Variants in KIF6 observed in about 807,000 individuals in gnomAD.
KIF6 encodes kinesin family member 6.
KIF6 carries 106 observed loss-of-function variants against 112.7 expected under a neutral mutation model. The observed-to-expected ratio is 0.94, with a 90% CI of 0.80 to 1.11. The LOEUF (loss-of-function observed/expected upper bound fraction) is 1.11. KIF6 is among the 50% of genes least tolerant of loss of function. The pLI, the probability that KIF6 is intolerant of heterozygous loss-of-function variation, is 0.00. For missense variants in KIF6, 929 were observed against 964.0 expected, an observed-to-expected ratio of 0.96 and a Z score of 0.48; for synonymous variants, 339 against 339.9, an observed-to-expected ratio of 1.00 and a Z score of 0.03.
intron 13 of KIF6, among the ~76,000 whole-genome samples, chr6:39,447,213 A>G (rs11755538): frequency 0.022 from 3,414 of 152,240 alleles, 70 homozygotes; most frequent in Non-Finnish European, 0.029. Flanking sequence ...ACCTCATCTC[A>G]TTGAGAAAAT....
At chr6:39,577,970 G>T in intron 10 of KIF6, 86 bp downstream of exon 10, 1 of 890,592 alleles carries the variant, frequency 1.1e-6, no homozygotes, top group Non-Finnish European at 1.8e-6. Context: ...CATGCTTTGA[G>T]GTGAATTCAT....
rs182464553 is a variant in KIF6, at chr6:39,706,589, T to C, written c.251+8103A>G. On this transcript the variant is annotated intron_variant, in intron 3 of 22. Transcript: ENST00000287152. ...CTTAAAAGTTTAGATTTAAGTATAA[T>C]TGTAAAGTCACAAAAGCCAGAAATG... Among the ~76,000 whole-genome samples, 62 of 152,346 alleles carry C rather than the reference T, an allele frequency of 4.1e-4. 1 individual carries two copies. The East Asian group carries it at 0.011, about 27-fold the overall frequency.
intron 12 of KIF6, among the ~76,000 whole-genome samples, chr6:39,541,670 A>T (rs9394607): frequency 0.042 from 6,435 of 152,258 alleles, 277 homozygotes; most frequent in East Asian, 0.25. Context: ...ATGCATGCAC[A>T]TGCACACACA....
At chr6:39,603,388 C>A (rs1165617751) in intron 6 of KIF6, among the ~76,000 whole-genome samples, 1 of 152,024 alleles carries the variant, frequency 6.6e-6, no homozygotes, top group Non-Finnish European at 1.5e-5. Flanking sequence ...TATTCCTCTC[C>A]CTGGCACTGA....
chr6:39,610,152 C>T (rs554189557), intron 6 of KIF6, among the ~76,000 whole-genome samples: 6 of 152,208 alleles, frequency 3.9e-5, no homozygotes, highest in South Asian at 2.1e-4. Context: ...GTTATACTTG[C>T]GACTGGTGGA....
intron 3 of KIF6, among the ~76,000 whole-genome samples, chr6:39,641,436 T>C (rs1478344688): frequency 2.0e-5 from 3 of 151,874 alleles, no homozygotes; most frequent in East Asian, 3.9e-4. Flanking sequence ...TAGGTGGGAA[T>C]TGAACATGAG....
chr6:39,559,309 C>T (rs1299090277), intron 10 of KIF6, among the ~76,000 whole-genome samples: 1 of 152,054 alleles, frequency 6.6e-6, no homozygotes, highest in Non-Finnish European at 1.5e-5. Flanking sequence ...TTTAAAACTG[C>T]CCAATTACTT....
chr6:39,515,316 C>A (rs771295652), intron 13 of KIF6, among the ~76,000 whole-genome samples: 10 of 152,162 alleles, frequency 6.6e-5, no homozygotes, highest in Non-Finnish European at 1.5e-4. Context: ...GAATAGGAAC[C>A]ATATCGGAAA....
intron 14 of KIF6, among the ~76,000 whole-genome samples, chr6:39,429,895 G>A (rs1477579407): frequency 2.6e-5 from 4 of 151,582 alleles, no homozygotes; most frequent in Non-Finnish European, 5.9e-5. Context: ...GCAACAGAGT[G>A]AGACTCTGTC....
intron 13 of KIF6, among the ~76,000 whole-genome samples, chr6:39,534,263 T>C (rs4254985): frequency 0.46 from 70,037 of 151,786 alleles, 19,439 homozygotes; most frequent in African/African-American, 0.78. Flanking sequence ...CAAACTACTC[T>C]GAGCTACAGG....
chr6:39,617,638 C>A, intron 5 of KIF6: 1 of 446,194 alleles, frequency 2.2e-6, no homozygotes, highest in Admixed American at 2.4e-5. Flanking sequence ...TGTCATAAGG[C>A]AATGAAGAGC....
chr6:39,489,362 C>G (rs1028070881), intron 13 of KIF6, among the ~76,000 whole-genome samples: 1 of 152,098 alleles, frequency 6.6e-6, no homozygotes, highest in Non-Finnish European at 1.5e-5. Flanking sequence ...AGCTGGTCAT[C>G]GCAATAGACT....
chr6:39,599,603 C>T (rs1582238560), intron 6 of KIF6, among the ~76,000 whole-genome samples: 1 of 152,162 alleles, frequency 6.6e-6, no homozygotes. Flanking sequence ...GCATGTAAAA[C>T]CGCAAACTCA....
chr6:39,522,451 CA>C (rs1777452706), intron 13 of KIF6, among the ~76,000 whole-genome samples: 1 of 152,206 alleles, frequency 6.6e-6, no homozygotes, highest in Non-Finnish European at 1.5e-5. Flanking sequence ...GCAGCACCCA[CA>C]AAGGAACTCC....
intron 3 of KIF6, among the ~76,000 whole-genome samples, chr6:39,702,676 G>A (rs915266006): frequency 6.6e-6 from 1 of 152,122 alleles, no homozygotes; most frequent in Non-Finnish European, 1.5e-5. Context: ...TGGTGGAATT[G>A]TAGGCATGAG....
At chr6:39,698,779 G>C (rs1788700894) in intron 3 of KIF6, among the ~76,000 whole-genome samples, 1 of 152,256 alleles carries the variant, frequency 6.6e-6, no homozygotes, top group Admixed American at 6.5e-5. Flanking sequence ...CACTCTGAAA[G>C]CTTTTTATGG....
At chr6:39,385,836 C>A (rs1280865225) in intron 15 of KIF6, among the ~76,000 whole-genome samples, 164 bp from the exon 16 acceptor site, 1 of 151,816 alleles carries the variant, frequency 6.6e-6, no homozygotes, top group Admixed American at 6.6e-5. Context: ...ATTCCTAGAT[C>A]GTGTTGGAAG....
intron 15 of KIF6, among the ~76,000 whole-genome samples, chr6:39,411,239 T>C (rs1174398250): frequency 6.6e-6 from 1 of 152,208 alleles, no homozygotes; most frequent in Non-Finnish European, 1.5e-5. Flanking sequence ...CAAGAGGCGC[T>C]GAGGGAGGCC....
chr6:39,573,900 G>C (rs1021255906), intron 10 of KIF6, among the ~76,000 whole-genome samples: 1 of 152,008 alleles, frequency 6.6e-6, no homozygotes, highest in Non-Finnish European at 1.5e-5. Context: ...CCCCACTCAG[G>C]GCCTAACATA....
Sources: allele counts gnomAD v4.1 joint callset (sites outside exome capture counted in the v4.1 genomes callset), GRCh38; gene constraint gnomAD v4.1.1; transcripts MANE v1.5; gene names NCBI Gene and HGNC (gene_info 2026-07-23, HGNC 2026-07-21).